INTS1: variants seen among roughly 807,000 people sequenced by gnomAD.
INTS1 encodes integrator complex subunit 1.
In INTS1, 137 loss-of-function variants were observed where a neutral mutation model predicts 241.6. That is an observed-to-expected ratio of 0.57 (90% CI 0.49 to 0.65). INTS1 has a LOEUF of 0.65. Among genes scored for constraint, INTS1 ranks in the 30% least tolerant of loss-of-function variants. The probability of loss-of-function intolerance (pLI) is 0.00; values close to 1 mark genes in which losing one functional copy is unlikely to be tolerated. For missense variants in INTS1, 3,073 were observed against 3,032.2 expected, an observed-to-expected ratio of 1.01 and a Z score of -0.32; for synonymous variants, 1,692 against 1,337.8, an observed-to-expected ratio of 1.26 and a Z score of -5.78.
chr7:1,476,173 C>G (rs1448766095), intron 38 of INTS1, 56 bp downstream of exon 38: 1 of 1,527,746 alleles, frequency 6.5e-7, no homozygotes, highest in Non-Finnish European at 8.8e-7. Context: ...GGCTGGGCCT[C>G]GACCCCCTCC....
chr7:1,483,489 G>A (rs1296493948), intron 26 of INTS1: 2 of 561,250 alleles, frequency 3.6e-6, no homozygotes, highest in Non-Finnish European at 6.5e-6. Context: ...GGCTGTACCA[G>A]GCCCTCCAGC....
At chr7:1,475,498 G>C (rs1485403373) in intron 39 of INTS1, among the ~76,000 whole-genome samples, 1 of 152,134 alleles carries the variant, frequency 6.6e-6, no homozygotes, top group Non-Finnish European at 1.5e-5. Context: ...TGTGGTACCA[G>C]CAGAAGACAG....
At chr7:1,485,905 C>A (rs1782238971) in intron 22 of INTS1, among the ~76,000 whole-genome samples, 1 of 152,176 alleles carries the variant, frequency 6.6e-6, no homozygotes, top group Non-Finnish European at 1.5e-5. Context: ...GTGATTCTCC[C>A]ATCTCAGCCT....
In INTS1 at chr7:1,480,831, G is replaced by A. The variant is rs1373850898; in HGVS notation, c.3949+4C>T. The A allele has an allele frequency of 6.5e-7, 1 of 1,549,610 alleles. No individual in the cohort carries two copies. Among genetic ancestry groups the A allele is most frequent in the African/African-American group, 1.4e-5 (1 of 73,162 alleles). On this transcript the variant is annotated splice_donor_region_variant and intron_variant, in intron 29 of 47. Transcript: ENST00000404767. ...TCTGTGCTGGCCCCACCCCTCCCCA[G>A]TACCTCGGCGGGGCGGCAGGGAGGC...
rs762500802 is a variant in INTS1, at chr7:1,472,262, G to T, written c.6184+11C>A. 80 of 1,538,626 alleles carry T rather than the reference G, an allele frequency of 5.2e-5. No homozygotes were observed. The highest frequency in any genetic ancestry group is 6.7e-5 in the Non-Finnish European group (76 of 1,136,416). On this transcript the variant is annotated intron_variant, in intron 44 of 47. Coordinates refer to ENST00000404767, the MANE Select transcript of INTS1 (RefSeq NM_001080453.3). ...GCTGACCTGGCGTGGGTGAAGCAGG[G>T]CCTGACTCACCCTCCACCGTTTGGC...
In INTS1 at chr7:1,485,164, G is replaced by T. The variant is rs201874197; in HGVS notation, c.3195C>A (p.Ala1065=). 3.7e-6 allele frequency: 6 copies of T among 1,600,720 alleles called. No homozygotes were observed. In the African/African-American group the frequency reaches 8.0e-5, roughly 21 times the overall value. ...TGTGCTGGGACAAGTAGATCAGGTAGGCGCTGATGGTCTGGGGATCAGTCT... is the reference window on the plus strand; with the variant it reads ...TGTGCTGGGACAAGTAGATCAGGTATGCGCTGATGGTCTGGGGATCAGTCT... ...HMETDPQTIS[A]YLIYLSQHTP... The change falls in exon 24 of 48, where the codon GCC becomes GCA. Residue 1065 remains alanine (A), a synonymous_variant. Coordinates refer to ENST00000404767, the MANE Select transcript of INTS1 (RefSeq NM_001080453.3).
chr7:1,501,691 G>A (rs540058067), intron 3 of INTS1, among the ~76,000 whole-genome samples: 13 of 152,112 alleles, frequency 8.5e-5, no homozygotes, highest in South Asian at 2.1e-4. Flanking sequence ...AATCCCCACC[G>A]GCACCAGCTG....
At position 1,497,730 on chromosome 7, in the gene INTS1, A is replaced by C. The variant is rs1418974794; in HGVS notation, c.1426-416T>G. ...TGTCTCAAAATGCCAGGCCGCGAAG[A>C]CTGAACGCGGAGCTGAGAGCGGCTG... On this transcript the variant is annotated intron_variant, in intron 10 of 47. Coordinates refer to ENST00000404767, the MANE Select transcript of INTS1 (RefSeq NM_001080453.3). The surrounding 1 kb of genome is among the most constrained non-coding windows in gnomAD (Gnocchi z 5.3). Among the ~76,000 whole-genome samples, 1 of 152,248 alleles carries C rather than the reference A, an allele frequency of 6.6e-6. No individual in the cohort carries two copies. The highest frequency in any genetic ancestry group is 1.5e-5 in the Non-Finnish European group (1 of 68,042).
At position 1,479,535 on chromosome 7, in the gene INTS1, G is replaced by A. The variant is rs1781892012; in HGVS notation, c.4224C>T (p.Ala1408=). ...VPGITVRVLQ[A]LATLLSSPHG... Reference sequence around the variant, plus strand: ...GTGGGGAGCTGAGCAGGGTGGCGAGGGCCTGCAGGACACGCACCGTGATGC... The same window carrying A: ...GTGGGGAGCTGAGCAGGGTGGCGAGAGCCTGCAGGACACGCACCGTGATGC... Residue 1408 remains alanine (A), a synonymous_variant, in exon 31 of 48, where the codon GCC becomes GCT. Coordinates refer to ENST00000404767, the MANE Select transcript of INTS1 (RefSeq NM_001080453.3). 1 of 1,562,000 alleles carries A rather than the reference G, an allele frequency of 6.4e-7. No individual in the cohort carries two copies. The highest frequency in any genetic ancestry group is 8.7e-7 in the Non-Finnish European group (1 of 1,154,848).
Position 1,499,624 on chromosome 7 carries a change from G to T in INTS1, c.693C>A (p.Ile231=). Residue 231 remains isoleucine (I), a synonymous_variant, in exon 6 of 48, where the codon ATC becomes ATA. Coordinates refer to ENST00000404767, the MANE Select transcript of INTS1 (RefSeq NM_001080453.3). ...NWPEIFVKVY[I]EDSLGERIWV... ...AGATCCGCTCCCCCAGGGAGTCCTCGATGTACACCTGTGTGGCAGCCACAC... is the reference window on the plus strand; with the variant it reads ...AGATCCGCTCCCCCAGGGAGTCCTCTATGTACACCTGTGTGGCAGCCACAC... 1 of 1,604,248 alleles carries T rather than the reference G, an allele frequency of 6.2e-7. No individual in the cohort carries two copies. Among genetic ancestry groups the T allele is most frequent in the Non-Finnish European group, 8.5e-7 (1 of 1,172,948 alleles).
At chr7:1,482,815 G>A in intron 26 of INTS1, 108 bp from the exon 27 acceptor site, 2 of 1,354,066 alleles carry the variant, frequency 1.5e-6, no homozygotes, top group Admixed American at 4.3e-5. Context: ...AGGAAACTGA[G>A]ACTTGGGAGG....
chr7:1,473,504 T>C lies in INTS1; in HGVS notation c.5957+62A>G, dbSNP rs1223117133. On this transcript the variant is annotated intron_variant, in intron 42 of 47. Transcript: ENST00000404767. ...CGACACGGCCTTCCCAGGAACACCC[T>C]CCAGACCCCGCTGGACCCTCGCCGG... 18 of 1,541,922 alleles carry C rather than the reference T, an allele frequency of 1.2e-5. No homozygotes were observed. In the East Asian group the frequency reaches 1.7e-4, roughly 15 times the overall value.
chr7:1,498,876 T>TG, intron 8 of INTS1, 24 bp from the exon 9 acceptor site: 2 of 1,580,638 alleles, frequency 1.3e-6, no homozygotes, highest in African/African-American at 2.7e-5. Context: ...GAGGGAGCAG[T>TG]GGGCTCACGG....
intron 11 of INTS1, among the ~76,000 whole-genome samples, chr7:1,496,691 G>A (rs1165418576): frequency 2.6e-5 from 4 of 152,246 alleles, no homozygotes; most frequent in African/African-American, 9.6e-5. Context: ...GATCCACAAA[G>A]CCCCGTCCGC....
At chr7:1,474,440 G>A in intron 40 of INTS1, 80 bp from the exon 41 acceptor site, 2 of 1,409,370 alleles carry the variant, frequency 1.4e-6, no homozygotes, top group Admixed American at 2.4e-5. Context: ...CCCACTGCCT[G>A]CCCCGGGAGC....
rs368611608 is a variant in INTS1 at position 1,497,335 on chromosome 7, G to A, written c.1426-21C>T. 6.2e-6 allele frequency: 10 copies of A among 1,604,378 alleles called. No homozygotes were observed. The highest frequency in any genetic ancestry group is 2.2e-5 in the South Asian group (2 of 89,770). ...AGGAACTGGGGCAGAGAGAGGCCGC[G>A]TGGGAGGCTGCCCGACAGTGCTGTC... On this transcript the variant is annotated intron_variant, in intron 10 of 47. Coordinates refer to ENST00000404767, the MANE Select transcript of INTS1 (RefSeq NM_001080453.3). The surrounding 1 kb of genome is among the most constrained non-coding windows in gnomAD (Gnocchi z 5.3).
At position 1,493,678 on chromosome 7, in the gene INTS1, C is replaced by T. The variant is rs1782701208; in HGVS notation, c.2068+76G>A. 7 of 1,483,382 alleles carry T rather than the reference C, an allele frequency of 4.7e-6. No individual in the cohort carries two copies. The highest frequency in any genetic ancestry group is 4.0e-5 in the South Asian group (3 of 74,582). The allele number at this position is 1,483,382 out of a possible 1,614,324, so 91.9% of individuals were successfully genotyped here. On this transcript the variant is annotated intron_variant, in intron 15 of 47. Coordinates refer to ENST00000404767, the MANE Select transcript of INTS1 (RefSeq NM_001080453.3). The surrounding 1 kb of genome is among the most constrained non-coding windows in gnomAD (Gnocchi z 5.3). The stretch of plus-strand genomic sequence containing the variant: ...AGCTTTGTGGAGCGCCCCAGAGGTG[C>T]GTGCCAGAGCCGGGGTTTCTGCAGG...
In INTS1 at chr7:1,503,932, C is replaced by T; in HGVS notation, c.29G>A (p.Arg10His). The T allele has an allele frequency of 6.4e-7, 1 of 1,570,736 alleles. No individual in the cohort carries two copies. The highest frequency in any genetic ancestry group is 8.6e-7 in the Non-Finnish European group (1 of 1,158,998). The change falls in exon 2 of 48, where the codon CGC becomes CAC. Residue 10 changes from arginine to histidine, a missense_variant. Coordinates refer to ENST00000404767, the MANE Select transcript of INTS1 (RefSeq NM_001080453.3). MNRAKPTTV[R>H]RPSAAAKPSG... ...GGGTTTGGCCGCGGCGCTGGGCCGG[C>T]GCACCGTGGTGGGCTTGGCCCGGTT...
chr7:1,486,875 G>T, intron 21 of INTS1, 47 bp downstream of exon 21: 1 of 1,589,854 alleles, frequency 6.3e-7, no homozygotes, highest in Non-Finnish European at 8.5e-7. Context: ...GCCCTGACAG[G>T]GGTGCGGGGT....
Sources: gnomAD v4.1 joint callset for allele counts (sites outside exome capture counted in the v4.1 genomes callset) on GRCh38, gnomAD v4.1.1 for gene constraint, Gnocchi (gnomAD v3.1) non-coding constraint, MANE v1.5 for transcripts, NCBI Gene and HGNC (gene_info 2026-07-23, HGNC 2026-07-21) for gene names.